KIF27: variants seen among roughly 807,000 people sequenced by gnomAD.
The protein encoded by KIF27 is kinesin family member 27.
Under a neutral mutation model 141.8 loss-of-function variants are expected in KIF27, and 84 were observed. The observed-to-expected ratio is 0.59, with a 90% confidence interval of 0.50 to 0.71. The LOEUF (loss-of-function observed/expected upper bound fraction) is 0.71, where lower values mean the gene tolerates loss of function less well. Among genes scored for constraint, KIF27 ranks in the 30% least tolerant of loss-of-function variants. The pLI, the probability that KIF27 is intolerant of heterozygous loss-of-function variation, is 0.00. For synonymous variants in KIF27, 471 were observed against 569.5 expected (o/e 0.83, Z 2.46); for missense variants, 1,306 against 1,628.4 (o/e 0.80, Z 3.41).
intron 2 of KIF27, among the ~76,000 whole-genome samples, chr9:83,912,702 A>T (rs531344153): frequency 1.8e-4 from 27 of 152,352 alleles, no homozygotes; most frequent in African/African-American, 6.3e-4. Flanking sequence ...AACCATTTCC[A>T]AAAGAAAACC....
intron 5 of KIF27, among the ~76,000 whole-genome samples, chr9:83,896,712 TATAC>T (rs1459012999): frequency 1.3e-5 from 2 of 152,212 alleles, no homozygotes; most frequent in African/African-American, 4.8e-5. Context: ...TTCTATAATG[TATAC>T]ATACATCAAA....
chr9:83,856,880 C>T (rs1384825100), intron 14 of KIF27, among the ~76,000 whole-genome samples: 1 of 140,368 alleles, frequency 7.1e-6, no homozygotes, highest in Admixed American at 7.0e-5. Context: ...GCACTCCACC[C>T]TGAGTGACAG....
chr9:83,902,513 T>C (rs62563549), intron 4 of KIF27, among the ~76,000 whole-genome samples: 295 of 152,306 alleles, frequency 1.9e-3, no homozygotes, highest in Non-Finnish European at 3.2e-3. Context: ...TATACATGTA[T>C]ATACCTACAT....
At chr9:83,893,156 G>C (rs1952839517) in intron 5 of KIF27, among the ~76,000 whole-genome samples, 1 of 152,200 alleles carries the variant, frequency 6.6e-6, no homozygotes, top group Admixed American at 6.5e-5. Flanking sequence ...AGGACTGCTT[G>C]AGCCCAGGAG....
At position 83,837,525 on chromosome 9, in the gene KIF27, C is replaced by T. The variant is rs779629692; in HGVS notation, c.3722-40G>A. 237 of 1,536,588 alleles carry T rather than the reference C, an allele frequency of 1.5e-4. 1 individual carries two copies. Among genetic ancestry groups the T allele is most frequent in the Admixed American group, 2.8e-4 (13 of 46,472 alleles). ...CAAACCAAAAAATTAGATACTATTT[C>T]CTCAAAATTAGGTATTTTAATCAAA... On this transcript the variant is annotated intron_variant, in intron 17 of 17. Coordinates refer to ENST00000297814, the MANE Select transcript of KIF27 (RefSeq NM_017576.4).
At chr9:83,858,861 C>T in intron 14 of KIF27, 1 of 379,794 alleles carries the variant, frequency 2.6e-6, no homozygotes, top group Non-Finnish European at 4.8e-6. Context: ...TCTGTGATTT[C>T]AGACGAGAAA....
intron 16 of KIF27, among the ~76,000 whole-genome samples, chr9:83,848,432 A>G (rs1332512388): frequency 7.4e-6 from 1 of 134,328 alleles, no homozygotes; most frequent in African/African-American, 2.7e-5. Flanking sequence ...ATATATCTAT[A>G]TATCATATAT....
At chr9:83,893,772 G>C (rs910608583) in intron 5 of KIF27, among the ~76,000 whole-genome samples, 33 of 151,914 alleles carry the variant, frequency 2.2e-4, no homozygotes, top group African/African-American at 7.3e-4. Flanking sequence ...GTGAAATAGT[G>C]AACAAACTAA....
intron 16 of KIF27, among the ~76,000 whole-genome samples, chr9:83,848,412 A>C (rs1486240292): frequency 5.9e-5 from 8 of 134,858 alleles, no homozygotes; most frequent in East Asian, 2.1e-4. Flanking sequence ...TGCATATATG[A>C]TATATATGTA....
chr9:83,867,374 A>C (rs867075225), intron 13 of KIF27, among the ~76,000 whole-genome samples: 5 of 145,914 alleles, frequency 3.4e-5, no homozygotes, highest in East Asian at 3.9e-4. Context: ...ATACAGAGAT[A>C]GATCTATCTA....
intron 15 of KIF27, among the ~76,000 whole-genome samples, chr9:83,852,126 A>G (rs908191770): frequency 1.8e-4 from 27 of 150,686 alleles, no homozygotes; most frequent in Admixed American, 3.3e-4. Flanking sequence ...TCAGGGAAAA[A>G]AAAAATAAAA....
rs1948396404 is a variant in KIF27 at position 83,850,304 on chromosome 9, A to G, written c.3358-7T>C. On this transcript the variant is annotated splice_region_variant and splice_polypyrimidine_tract_variant and intron_variant, in intron 15 of 17. Transcript: ENST00000297814. ...CTTCTCGCAAATTCACCACCTAACA[A>G]ATACATATTTTGACCTGTTAAGTGT... 11 of 1,598,264 alleles carry G rather than the reference A, an allele frequency of 6.9e-6. No homozygotes were observed. Among genetic ancestry groups the G allele is most frequent in the Non-Finnish European group, 9.4e-6 (11 of 1,165,838 alleles).
Position 83,889,218 on chromosome 9 carries a change from T to A in KIF27, c.1845A>T (p.Arg615=). The A allele has an allele frequency of 6.2e-7, 1 of 1,613,620 alleles. No individual in the cohort carries two copies. Among genetic ancestry groups the A allele is most frequent in the Non-Finnish European group, 8.5e-7 (1 of 1,179,746 alleles). Residue 615 remains arginine (R), a synonymous_variant, in exon 7 of 18, where the codon CGA becomes CGT. Transcript: ENST00000297814. ...TTCGTGTTCGAAATCCAGCAAATAT[T>A]CGATCCAGAGAGTACATAGGCGGAC... ...HTSPPMYSLD[R]IFAGFRTRSQ...
intron 16 of KIF27, among the ~76,000 whole-genome samples, chr9:83,844,227 C>T (rs915032779): frequency 6.7e-5 from 10 of 149,100 alleles, no homozygotes; most frequent in African/African-American, 2.5e-4. Flanking sequence ...GCTCTCCTTG[C>T]TCCTCAAGCT....
In KIF27 at chr9:83,915,403, T is replaced by C. The variant is rs1955588826; in HGVS notation, c.189A>G (p.Thr63=). ...KNSTQDEVYN[T]CIKPLVLSLI... ...GTGACAACACTAGGGGCTTTATACATGTGTTATAAACTTCATCTTGAGTGG... is the reference window on the plus strand; with the variant it reads ...GTGACAACACTAGGGGCTTTATACACGTGTTATAAACTTCATCTTGAGTGG... The change falls in exon 2 of 18, where the codon ACA becomes ACG. Residue 63 remains threonine (T), a synonymous_variant. Coordinates refer to ENST00000297814, the MANE Select transcript of KIF27 (RefSeq NM_017576.4). 2.5e-6 allele frequency: 4 copies of C among 1,613,854 alleles called. No homozygotes were observed. Among genetic ancestry groups the C allele is most frequent in the Non-Finnish European group, 3.4e-6 (4 of 1,179,816 alleles).
At position 83,836,754 on chromosome 9, in the gene KIF27, A is replaced by G. The variant is rs1467560691; in HGVS notation, c.*247T>C. ...TATGCCTGGAAAAACATTTAAGCGT[A>G]TTTATAAATATTTAAATGTTATCAA... On this transcript the variant is annotated 3_prime_UTR_variant, in exon 18 of 18. Transcript: ENST00000297814. 3 of 451,774 alleles carry G rather than the reference A, an allele frequency of 6.6e-6. No individual in the cohort carries two copies. In the East Asian group the frequency reaches 1.3e-4, roughly 20 times the overall value. 28.0% of individuals were successfully genotyped at this position (451,774 alleles called of 1,614,324 possible). A position where few individuals can be genotyped will look rare whatever the true frequency, so the allele number is the denominator to read the frequency against.
intron 5 of KIF27, among the ~76,000 whole-genome samples, chr9:83,893,215 T>G (rs1469262691): frequency 6.6e-6 from 1 of 152,186 alleles, no homozygotes; most frequent in African/African-American, 2.4e-5. Context: ...CCAGCCTGGG[T>G]GACAGAGTTG....
chr9:83,903,332 A>G lies in KIF27; in HGVS notation c.1186T>C (p.Ser396Pro). The G allele has an allele frequency of 6.2e-7, 1 of 1,614,182 alleles. No homozygotes were observed. Among genetic ancestry groups the G allele is most frequent in the Non-Finnish European group, 8.5e-7 (1 of 1,180,022 alleles). Reference sequence around the variant, plus strand: ...AGCTGAGCTACTTGCTCCTCAAGAGAATGAATCCTATTTGTATCAGGACTC... The same window carrying G: ...AGCTGAGCTACTTGCTCCTCAAGAGGATGAATCCTATTTGTATCAGGACTC... The part of the protein sequence containing the change: ...EGSPDTNRIH[S>P]LEEQVAQLQG... The change falls in exon 4 of 18, where the codon TCT (serine) becomes CCT (proline). Residue 396 changes from serine to proline, a missense_variant. Physicochemically the swap from Ser to Pro is moderately conservative, Grantham distance 74 (BLOSUM62 -1). Coordinates refer to ENST00000297814, the MANE Select transcript of KIF27 (RefSeq NM_017576.4).
intron 13 of KIF27, among the ~76,000 whole-genome samples, chr9:83,863,255 G>A (rs1179266435): frequency 1.3e-5 from 2 of 152,198 alleles, no homozygotes; most frequent in East Asian, 1.9e-4. Flanking sequence ...TCTTGTGCCA[G>A]TTTTCAAAGG....
Sources: gnomAD v4.1 joint callset for allele counts (sites outside exome capture counted in the v4.1 genomes callset) on GRCh38, gnomAD v4.1.1 for gene constraint, MANE v1.5 for transcripts, NCBI Gene and HGNC (gene_info 2026-07-23, HGNC 2026-07-21) for gene names.